Variants in TM9SF2 observed in about 807,000 individuals in gnomAD.
The protein encoded by TM9SF2 is 76 kDa membrane protein.
Under a neutral mutation model 84.9 loss-of-function variants are expected in TM9SF2, and 13 were observed. The observed-to-expected ratio is 0.15, with a 90% CI of 0.10 to 0.24. The LOEUF (loss-of-function observed/expected upper bound fraction) is 0.24, where lower values mean the gene tolerates loss of function less well. Ranked by LOEUF, TM9SF2 falls within the 10% of genes least tolerant of loss-of-function variation. TM9SF2 has a pLI of 1.00. For missense variants in TM9SF2, 562 were observed against 818.5 expected (o/e 0.69, Z 3.82); for synonymous variants, 273 against 285.8 (o/e 0.96, Z 0.45).
chr13:99,559,350 C>T lies in TM9SF2; in HGVS notation c.1753-13C>T, dbSNP rs566654143. 7 of 1,556,474 alleles carry T rather than the reference C, an allele frequency of 4.5e-6. No individual in the cohort carries two copies. The highest frequency in any genetic ancestry group is 2.0e-5 in the Admixed American group (1 of 49,194). ...TGGAATGTAATTCTTGTTCTTTTTT[C>T]TTTACTACCTAGGATTATCATTGGC... is the stretch of plus-strand genomic sequence containing the variant. On this transcript the variant is annotated splice_polypyrimidine_tract_variant and intron_variant, in intron 15 of 16. Transcript: ENST00000376387.
At chr13:99,548,722 A>G (rs1343116016) in intron 11 of TM9SF2, among the ~76,000 whole-genome samples, 2 of 152,190 alleles carry the variant, frequency 1.3e-5, no homozygotes, top group African/African-American at 4.8e-5. Context: ...CCTAGAAACC[A>G]CAGTGCTAGA....
At position 99,562,904 on chromosome 13, in the gene TM9SF2, A is replaced by G. The variant is rs1427871004; in HGVS notation, c.*146A>G. Reference sequence around the variant, plus strand: ...CGTAATTCTAAATAAACCTCTTCCCATACACCTTTCCCCCATAAGATGTGT... The same window carrying G: ...CGTAATTCTAAATAAACCTCTTCCCGTACACCTTTCCCCCATAAGATGTGT... On this transcript the variant is annotated 3_prime_UTR_variant, in exon 17 of 17. Coordinates refer to ENST00000376387, the MANE Select transcript of TM9SF2 (RefSeq NM_004800.3). 4 of 662,130 alleles carry G rather than the reference A, an allele frequency of 6.0e-6. No individual in the cohort carries two copies. The highest frequency in any genetic ancestry group is 2.7e-5 in the East Asian group (1 of 36,402). 41.0% of individuals were successfully genotyped at this position (662,130 alleles called of 1,614,324 possible). A position where few individuals can be genotyped will look rare whatever the true frequency, so the allele number is the denominator to read the frequency against.
At chr13:99,535,446 G>A (rs555677514) in intron 4 of TM9SF2, among the ~76,000 whole-genome samples, 4 of 152,134 alleles carry the variant, frequency 2.6e-5, no homozygotes, top group Admixed American at 1.3e-4. Context: ...AGCAATTAAC[G>A]GATTCGTTAA....
At chr13:99,525,722 A>AT (rs1177134846) in intron 3 of TM9SF2, among the ~76,000 whole-genome samples, 1 of 151,272 alleles carries the variant, frequency 6.6e-6, no homozygotes, top group Non-Finnish European at 1.5e-5. Flanking sequence ...CGCCCAGCTT[A>AT]TTTTTTGTAT....
chr13:99,546,567 G>GT (rs1230728728), intron 10 of TM9SF2, among the ~76,000 whole-genome samples: 1,693 of 142,076 alleles, frequency 0.012, 28 homozygotes, highest in African/African-American at 0.034. Flanking sequence ...AAGGTTTTGG[G>GT]TTTTTTTTTT....
chr13:99,514,782 T>C (rs1321438059), intron 1 of TM9SF2, among the ~76,000 whole-genome samples: 1 of 152,268 alleles, frequency 6.6e-6, no homozygotes, highest in Non-Finnish European at 1.5e-5. Context: ...AATAGCCACA[T>C]GTGGCTGGTG....
In TM9SF2 at chr13:99,541,637, T is replaced by C; in HGVS notation, c.987T>C (p.Asp329=). 6.2e-7 allele frequency: 1 copy of C among 1,612,480 alleles called. No individual in the cohort carries two copies. The highest frequency in any genetic ancestry group is 1.1e-5 in the South Asian group (1 of 90,978). Residue 329 remains aspartate (D), a synonymous_variant, in exon 9 of 17, where the codon GAT becomes GAC. Coordinates refer to ENST00000376387, the MANE Select transcript of TM9SF2 (RefSeq NM_004800.3). ...AMIMLRTLHK[D]IARYNQMDST... is the part of the protein sequence containing the mutation. Reference sequence around the variant, plus strand: ...TTATGTTACGGACACTGCACAAAGATATTGCTAGATATAATCAGATGGACT... The same window carrying C: ...TTATGTTACGGACACTGCACAAAGACATTGCTAGATATAATCAGATGGACT...
chr13:99,559,671 A>C, intron 16 of TM9SF2, 137 bp downstream of exon 16: 2 of 814,260 alleles, frequency 2.5e-6, no homozygotes, highest in Non-Finnish European at 3.7e-6. Context: ...ACAACTAGGC[A>C]TAGTTGGGTC....
At chr13:99,512,246 G>A (rs905343177) in intron 1 of TM9SF2, among the ~76,000 whole-genome samples, 56 of 152,170 alleles carry the variant, frequency 3.7e-4, no homozygotes, top group African/African-American at 1.3e-3. Context: ...TAGTTATTGT[G>A]TGCCAATTAT....
intron 4 of TM9SF2, among the ~76,000 whole-genome samples, chr13:99,535,100 C>T (rs1369392817): frequency 6.6e-6 from 1 of 152,192 alleles, no homozygotes; most frequent in Admixed American, 6.5e-5. Flanking sequence ...TGCAGAAAGC[C>T]ATGATCATGC....
At chr13:99,559,853 A>G (rs1307783933) in intron 16 of TM9SF2, among the ~76,000 whole-genome samples, 4 of 150,010 alleles carry the variant, frequency 2.7e-5, no homozygotes, top group Admixed American at 6.6e-5. Context: ...TTGCCACTTC[A>G]GAAATAGGGT....
intron 10 of TM9SF2, among the ~76,000 whole-genome samples, chr13:99,546,214 G>A (rs1333956342): frequency 1.3e-5 from 2 of 151,914 alleles, no homozygotes; most frequent in African/African-American, 4.8e-5. Context: ...GGAAACAATA[G>A]GGGGGGAAAC....
At position 99,549,193 on chromosome 13, in the gene TM9SF2, T is replaced by C; in HGVS notation, c.1299T>C (p.Asn433=). 2 of 1,613,490 alleles carry C rather than the reference T, an allele frequency of 1.2e-6. No individual in the cohort carries two copies. Among genetic ancestry groups the C allele is most frequent in the Non-Finnish European group, 1.7e-6 (2 of 1,179,684 alleles). Residue 433 remains asparagine (N), a synonymous_variant, in exon 12 of 17, where the codon AAT becomes AAC. Transcript: ENST00000376387. The part of the protein sequence containing the change: ...KSFGGEKWKT[N]VLLTSFLCPG... ...TTGGAGGTGAGAAGTGGAAAACAAA[T>C]GTTTTATTAACATCATTTCTTTGTC...
chr13:99,544,361 C>A (rs9585123), intron 10 of TM9SF2, among the ~76,000 whole-genome samples: 3,533 of 144,212 alleles, frequency 0.024, 164 homozygotes, highest in African/African-American at 0.086. Context: ...AAACAAAAAA[C>A]ACCACAGTTT....
Position 99,552,311 on chromosome 13 carries a change from T to C in TM9SF2, c.1473T>C (p.Phe491=), listed in dbSNP as rs1477808881. 3 of 1,613,332 alleles carry C rather than the reference T, an allele frequency of 1.9e-6. No individual in the cohort carries two copies. Among genetic ancestry groups the C allele is most frequent in the East Asian group, 4.5e-5 (2 of 44,878 alleles). Residue 491 remains phenylalanine, a synonymous_variant, in exon 13 of 17, where the codon TTT becomes TTC. Coordinates refer to ENST00000376387, the MANE Select transcript of TM9SF2 (RefSeq NM_004800.3). Reference sequence around the variant, plus strand: ...CTCTGACGTTTATTGGTGCATACTTTGGTTTTAAGAAGAATGTAAGTTTAT... The same window carrying C: ...CTCTGACGTTTATTGGTGCATACTTCGGTTTTAAGAAGAATGTAAGTTTAT... ...SVPLTFIGAY[F]GFKKNAIEHP...
intron 10 of TM9SF2, among the ~76,000 whole-genome samples, chr13:99,544,778 G>A (rs2046276118): frequency 6.6e-6 from 1 of 152,158 alleles, no homozygotes; most frequent in Non-Finnish European, 1.5e-5. Context: ...AAGCGAGTGT[G>A]TAGGAAAGAC....
chr13:99,506,966 A>G (rs937937285), intron 1 of TM9SF2, among the ~76,000 whole-genome samples: 1 of 152,200 alleles, frequency 6.6e-6, no homozygotes, highest in Admixed American at 6.5e-5. Flanking sequence ...TATCTATGAA[A>G]GGCTTTGGAG....
Position 99,547,244 on chromosome 13 carries a change from T to G in TM9SF2, c.1270+140T>G, listed in dbSNP as rs2046286766. On this transcript the variant is annotated intron_variant, in intron 11 of 16. Coordinates refer to ENST00000376387, the MANE Select transcript of TM9SF2 (RefSeq NM_004800.3). The stretch of plus-strand genomic sequence containing the variant: ...CTGTTCTTAGTTAAAAGGAGCCTGC[T>G]TGGTGATTCCTTTTGTGTCATGAGT... The G allele has an allele frequency of 4.1e-6, 5 of 1,229,734 alleles. No homozygotes were observed. In the South Asian group the frequency reaches 9.5e-5, roughly 23 times the overall value. The allele number at this position is 1,229,734 out of a possible 1,614,324, so 76.2% of individuals were successfully genotyped here. A position where few individuals can be genotyped will look rare whatever the true frequency, so the allele number is the denominator to read the frequency against.
At position 99,559,363 on chromosome 13, in the gene TM9SF2, G is replaced by T; in HGVS notation, c.1753G>T (p.Asp585Tyr). The change falls in exon 16 of 17, where the codon GAT (aspartate) becomes TAT (tyrosine). Residue 585 changes from aspartate (D) to tyrosine (Y), a missense_variant and splice_region_variant. Asp to Tyr is a radical substitution (Grantham distance 160). Coordinates refer to ENST00000376387, the MANE Select transcript of TM9SF2 (RefSeq NM_004800.3). ...LLCYFHLCAEDYHWQWRSFLT... is the reference protein window; with the variant it reads ...LLCYFHLCAEYYHWQWRSFLT... ...TTGTTCTTTTTTCTTTACTACCTAG[G>T]ATTATCATTGGCAATGGCGTTCATT... The T allele has an allele frequency of 6.3e-7, 1 of 1,588,714 alleles. No homozygotes were observed. The highest frequency in any genetic ancestry group is 8.6e-7 in the Non-Finnish European group (1 of 1,169,470).
Sources: gnomAD v4.1 joint callset for allele counts (sites outside exome capture counted in the v4.1 genomes callset) on GRCh38, gnomAD v4.1.1 for gene constraint, MANE v1.5 for transcripts, NCBI Gene and HGNC (gene_info 2026-07-23, HGNC 2026-07-21) for gene names.